IL1RAPL1: variants seen among roughly 807,000 people sequenced by gnomAD.
The protein encoded by IL1RAPL1 is interleukin 1 receptor accessory protein like 1.
Under a neutral mutation model 48.4 loss-of-function variants are expected in IL1RAPL1, and 3 were observed. The observed-to-expected ratio is 0.06, with a 90% CI of 0.03 to 0.16. The LOEUF is 0.16. Among genes scored for constraint, IL1RAPL1 ranks in the 10% least tolerant of loss-of-function variants. IL1RAPL1 has a pLI of 1.00. For missense variants in IL1RAPL1, 349 were observed against 530.6 expected (o/e 0.66, Z 3.36); for synonymous variants, 185 against 187.7 (o/e 0.99, Z 0.12).
chrX:29,409,555 C>T (rs1028568663), intron 5 of IL1RAPL1, among the ~76,000 whole-genome samples: 3 of 110,781 alleles, frequency 2.7e-5, no homozygotes, highest in Non-Finnish European at 5.7e-5. Context: ...ATGGGTTGTT[C>T]AAAAATGTAT....
chrX:28,785,459 C>G (rs992692844), intron 1 of IL1RAPL1, among the ~76,000 whole-genome samples: 1 of 111,712 alleles, frequency 9.0e-6, no homozygotes. Flanking sequence ...AATACACAAA[C>G]TCTCCTGATT....
At chrX:29,381,869 T>A (rs1233926770) in intron 3 of IL1RAPL1, among the ~76,000 whole-genome samples, 13 of 98,781 alleles carry the variant, frequency 1.3e-4, no homozygotes, top group Non-Finnish European at 2.4e-4. Context: ...TATATACATA[T>A]ACTTATGTGC....
intron 2 of IL1RAPL1, among the ~76,000 whole-genome samples, chrX:29,060,572 T>C (rs1927319003): frequency 9.0e-6 from 1 of 111,656 alleles, no homozygotes; most frequent in Non-Finnish European, 1.9e-5. Context: ...AATACCTAAC[T>C]AGAACATCAG....
At chrX:29,000,367 C>T (rs1229437519) in intron 2 of IL1RAPL1, among the ~76,000 whole-genome samples, 1 of 111,222 alleles carries the variant, frequency 9.0e-6, no homozygotes, top group Non-Finnish European at 1.9e-5. Flanking sequence ...TCATTTCCAC[C>T]CTAGAAGTCC....
chrX:28,683,638 C>G (rs1423304206), intron 1 of IL1RAPL1, among the ~76,000 whole-genome samples: 3 of 112,254 alleles, frequency 2.7e-5, no homozygotes, highest in Non-Finnish European at 5.6e-5. Context: ...TTAAACAACA[C>G]AAATTTATTA....
chrX:29,244,497 A>C (rs1306699876), intron 2 of IL1RAPL1, among the ~76,000 whole-genome samples: 3 of 112,469 alleles, frequency 2.7e-5, no homozygotes, highest in Non-Finnish European at 5.6e-5. Context: ...ATGATTTAAA[A>C]ATTTTATGTT....
chrX:28,885,407 G>A (rs888297221), intron 2 of IL1RAPL1, among the ~76,000 whole-genome samples: 2 of 110,535 alleles, frequency 1.8e-5, no homozygotes, highest in African/African-American at 6.6e-5. Flanking sequence ...TCTCCATCAC[G>A]TCATATTAGT....
chrX:29,797,402 T>C (rs1040773023), intron 6 of IL1RAPL1, among the ~76,000 whole-genome samples: 1 of 112,221 alleles, frequency 8.9e-6, no homozygotes, highest in African/African-American at 3.2e-5. Flanking sequence ...AACCACGTTA[T>C]TTAAATTCAA....
chrX:29,756,203 T>C (rs1928608670), intron 6 of IL1RAPL1, among the ~76,000 whole-genome samples: 1 of 111,790 alleles, frequency 8.9e-6, no homozygotes, highest in Non-Finnish European at 1.9e-5. Context: ...CTTGGAGAGA[T>C]GTATGTAAGT....
At chrX:29,641,632 T>G (rs920150552) in intron 5 of IL1RAPL1, among the ~76,000 whole-genome samples, 1 of 112,410 alleles carries the variant, frequency 8.9e-6, no homozygotes, top group Non-Finnish European at 1.9e-5. Context: ...AGGCTTTGTT[T>G]CGTTCACTGC....
intron 3 of IL1RAPL1, among the ~76,000 whole-genome samples, chrX:29,333,520 GC>G (rs1262646892): frequency 3.7e-4 from 34 of 92,545 alleles, no homozygotes; most frequent in Non-Finnish European, 6.7e-4. Context: ...GGGGCGGCTG[GC>G]CAGGCGGGGG....
Position 29,216,788 on chromosome X carries a change from G to A in IL1RAPL1, c.83-66150G>A, listed in dbSNP as rs369240308. Reference sequence around the variant, plus strand: ...CTCAAAGTAGACAATGAGATTCAATGGGTTAGAGCATGAGTCTTTAATATT... The same window carrying A: ...CTCAAAGTAGACAATGAGATTCAATAGGTTAGAGCATGAGTCTTTAATATT... On this transcript the variant is annotated intron_variant, in intron 2 of 10. Transcript: ENST00000378993. Among the ~76,000 whole-genome samples, 4 of 111,883 alleles carry A rather than the reference G, an allele frequency of 3.6e-5. No individual in the cohort carries two copies. The East Asian group carries it at 8.4e-4, about 24-fold the overall frequency.
chrX:28,645,707 A>AGAAT (rs1408203347), intron 1 of IL1RAPL1, among the ~76,000 whole-genome samples: 1 of 111,945 alleles, frequency 8.9e-6, no homozygotes, highest in African/African-American at 3.2e-5. Flanking sequence ...ATGAGAGAGA[A>AGAAT]GAATTGAGCC....
At chrX:28,954,636 T>G (rs1248434656) in intron 2 of IL1RAPL1, among the ~76,000 whole-genome samples, 2 of 111,189 alleles carry the variant, frequency 1.8e-5, no homozygotes, top group East Asian at 2.8e-4. Context: ...TCTATCTGTG[T>G]GTGACTGAAT....
At chrX:29,726,513 A>G (rs1029113844) in intron 6 of IL1RAPL1, among the ~76,000 whole-genome samples, 7 of 112,396 alleles carry the variant, frequency 6.2e-5, no homozygotes, top group Non-Finnish European at 1.3e-4. Flanking sequence ...GGAAAGTAGC[A>G]TAGTCTCTTT....
At chrX:29,690,485 T>C (rs1469086065) in intron 6 of IL1RAPL1, among the ~76,000 whole-genome samples, 1 of 111,973 alleles carries the variant, frequency 8.9e-6, no homozygotes, top group East Asian at 2.8e-4. Context: ...TGTGTTTTAT[T>C]TACCTCTGAG....
intron 2 of IL1RAPL1, among the ~76,000 whole-genome samples, chrX:29,160,840 G>C (rs1178460934): frequency 8.9e-6 from 1 of 112,267 alleles, no homozygotes; most frequent in Non-Finnish European, 1.9e-5. Context: ...GATCGCCTGA[G>C]GTCAGGAGTT....
At chrX:29,801,045 CAAAAAAAAAAAAAAAAAAAAA>C (rs60240258) in intron 6 of IL1RAPL1, among the ~76,000 whole-genome samples, 1 of 2,209 alleles carries the variant, frequency 4.5e-4, no homozygotes, top group African/African-American at 1.0e-3. Context: ...CTCTCCGTCT[CAAAAAAAAAAAAAAAAAAAAA>C]AAAAAAAAAA....
At chrX:28,682,996 A>G (rs1163487385) in intron 1 of IL1RAPL1, among the ~76,000 whole-genome samples, 1 of 112,175 alleles carries the variant, frequency 8.9e-6, no homozygotes, top group East Asian at 2.8e-4. Context: ...CTAGTTTACA[A>G]TTGGGGATGA....
Sources: gnomAD v4.1 joint callset for allele counts (sites outside exome capture counted in the v4.1 genomes callset) on GRCh38, gnomAD v4.1.1 for gene constraint, MANE v1.5 for transcripts, NCBI Gene and HGNC (gene_info 2026-07-23, HGNC 2026-07-21) for gene names.